Variants in MYCBP2 observed in about 807,000 individuals in gnomAD.
MYCBP2 encodes the protein E3 ubiquitin-protein ligase MYCBP2.
Under a neutral mutation model 525.3 loss-of-function variants are expected in MYCBP2, and 120 were observed. The observed-to-expected ratio is 0.23, with a 90% CI of 0.20 to 0.27. The LOEUF is 0.27. Among genes scored for constraint, MYCBP2 ranks in the 10% least tolerant of loss-of-function variants. The pLI is 1.00. For missense variants in MYCBP2, 4,149 were observed against 5,657.1 expected (o/e 0.73, Z 8.55); for synonymous variants, 1,894 against 1,955.8 (o/e 0.97, Z 0.83).
chr13:77,325,222 G>A (rs1353589749), intron 1 of MYCBP2, among the ~76,000 whole-genome samples: 1 of 152,158 alleles, frequency 6.6e-6, no homozygotes, highest in African/African-American at 2.4e-5. Context: ...TTACAGCCTC[G>A]TCCCTTTCAT....
chr13:77,183,942 T>C (rs964275897), intron 32 of MYCBP2, among the ~76,000 whole-genome samples: 6 of 152,174 alleles, frequency 3.9e-5, no homozygotes, highest in South Asian at 2.1e-4. Flanking sequence ...ACTTTTTTTC[T>C]TCAAAAAACC....
chr13:77,225,636 G>C, intron 18 of MYCBP2, 82 bp from the exon 19 acceptor site: 1 of 1,517,084 alleles, frequency 6.6e-7, no homozygotes, highest in Non-Finnish European at 9.0e-7. Context: ...TATTATGGAA[G>C]AACAAGAGAA....
At chr13:77,127,698 T>C (rs754586596) in intron 52 of MYCBP2, among the ~76,000 whole-genome samples, 1 of 151,852 alleles carries the variant, frequency 6.6e-6, no homozygotes, top group African/African-American at 2.4e-5. Context: ...ACCAGTAGCC[T>C]CATAATGAAG....
At chr13:77,063,637 G>T (rs990787616) in intron 73 of MYCBP2, among the ~76,000 whole-genome samples, 3 of 150,892 alleles carry the variant, frequency 2.0e-5, no homozygotes, top group African/African-American at 7.3e-5. Flanking sequence ...GTAAGCTTCA[G>T]TTTTATATAG....
rs762443591 is a variant in MYCBP2 at position 77,260,452 on chromosome 13, C to G, written c.1993G>C (p.Asp665His). Reference sequence around the variant, plus strand: ...CTTGAACTATCAGAGTAAATGGCATCTTTTCCAAACATGTAGAGTTCTCCA... The same window carrying G: ...CTTGAACTATCAGAGTAAATGGCATGTTTTCCAAACATGTAGAGTTCTCCA... ...KDGELYMFGK[D>H]AIYSDSSSLV... is the part of the protein sequence containing the mutation. The change falls in exon 13 of 83, where the codon GAT becomes CAT. Residue 665 changes from aspartate to histidine, a missense_variant. This residue lies in a region of MYCBP2 where 262 missense variants were observed against 419.3 expected (regional missense o/e 0.62). Transcript: ENST00000544440. The G allele has an allele frequency of 6.3e-7, 1 of 1,596,036 alleles. No individual in the cohort carries two copies. The highest frequency in any genetic ancestry group is 1.2e-5 in the South Asian group (1 of 86,386).
At position 77,257,835 on chromosome 13, in the gene MYCBP2, G is replaced by T; in HGVS notation, c.2018-6C>A. On this transcript the variant is annotated splice_region_variant and splice_polypyrimidine_tract_variant and intron_variant, in intron 13 of 82. Transcript: ENST00000544440. The stretch of plus-strand genomic sequence containing the variant: ...CTTCAAATCAGTTACCAAACCTATA[G>T]GAAAGAAACAAATTTAGTAAAAACA... The T allele has an allele frequency of 6.3e-7, 1 of 1,595,700 alleles. No homozygotes were observed. The highest frequency in any genetic ancestry group is 8.5e-7 in the Non-Finnish European group (1 of 1,174,924).
At chr13:77,132,907 T>G (rs2053140759) in intron 52 of MYCBP2, among the ~76,000 whole-genome samples, 1 of 152,168 alleles carries the variant, frequency 6.6e-6, no homozygotes, top group Non-Finnish European at 1.5e-5. Context: ...AGATTCCACA[T>G]CTTCAGAATT....
intron 66 of MYCBP2, 157 bp from the exon 67 acceptor site, chr13:77,077,544 G>A: frequency 1.2e-6 from 1 of 800,612 alleles, no homozygotes; most frequent in South Asian, 1.9e-5. Flanking sequence ...TTTCAACCAG[G>A]TGAAGATAAG....
chr13:77,113,301 C>T (rs1452537405), intron 55 of MYCBP2, among the ~76,000 whole-genome samples: 1 of 152,148 alleles, frequency 6.6e-6, no homozygotes, highest in Non-Finnish European at 1.5e-5. Context: ...GTTTCCATTG[C>T]ATCCTGTGAC....
chr13:77,243,514 G>A (rs1407058629), intron 16 of MYCBP2, among the ~76,000 whole-genome samples: 2 of 151,790 alleles, frequency 1.3e-5, no homozygotes, highest in African/African-American at 4.8e-5. Context: ...TCGGGAGGCC[G>A]AGATGGGACA....
rs181160152 is a variant in MYCBP2, at chr13:77,304,435, A to G, written c.303-7761T>C. On this transcript the variant is annotated intron_variant, in intron 1 of 82. Transcript: ENST00000544440. The stretch of plus-strand genomic sequence containing the variant: ...TGTGGAAGCTAAAAAAGTTGATCTC[A>G]TAAAAGTAGAAAGTAGAAGAGTTGT... Among the ~76,000 whole-genome samples the G allele has an allele frequency of 1.0e-3, 156 of 152,346 alleles. 1 individual carries two copies. The highest frequency in any genetic ancestry group is 3.4e-3 in the Middle Eastern group (1 of 294).
At chr13:77,232,381 T>A (rs140774945) in intron 18 of MYCBP2, among the ~76,000 whole-genome samples, 1 of 152,172 alleles carries the variant, frequency 6.6e-6, no homozygotes, top group Non-Finnish European at 1.5e-5. Flanking sequence ...AAGGCCAGGA[T>A]ACAAGGCAAA....
chr13:77,172,625 C>G (rs2059256115), intron 37 of MYCBP2, among the ~76,000 whole-genome samples: 1 of 152,082 alleles, frequency 6.6e-6, no homozygotes, highest in South Asian at 2.1e-4. Context: ...GAAAAGGTCA[C>G]ATTTAGGACA....
At chr13:77,289,559 T>C (rs2077256490) in intron 2 of MYCBP2, among the ~76,000 whole-genome samples, 2 of 152,066 alleles carry the variant, frequency 1.3e-5, no homozygotes, top group South Asian at 2.1e-4. Flanking sequence ...TTTTCTCAAC[T>C]TGATAAAGGG....
chr13:77,235,667 A>T (rs1348509529), intron 17 of MYCBP2, among the ~76,000 whole-genome samples: 1 of 152,160 alleles, frequency 6.6e-6, no homozygotes, highest in Non-Finnish European at 1.5e-5. Flanking sequence ...CCCTTGATAA[A>T]CAAGATACAA....
intron 62 of MYCBP2, among the ~76,000 whole-genome samples, chr13:77,084,496 T>G (rs967799680): frequency 2.6e-5 from 4 of 152,194 alleles, no homozygotes; most frequent in Non-Finnish European, 4.4e-5. Flanking sequence ...TACAGGGAGA[T>G]AGCAGGCCAT....
At chr13:77,114,605 A>T (rs1177749977) in intron 55 of MYCBP2, among the ~76,000 whole-genome samples, 1 of 152,102 alleles carries the variant, frequency 6.6e-6, no homozygotes, top group Non-Finnish European at 1.5e-5. Flanking sequence ...CCACATAAGA[A>T]TGTGACTTAT....
chr13:77,194,286 T>C (rs2061550295), intron 26 of MYCBP2, 42 bp from the exon 27 acceptor site: 1 of 1,379,312 alleles, frequency 7.2e-7, no homozygotes, highest in Admixed American at 1.7e-5. Context: ...AAATCAGCTA[T>C]ACATATCTGA....
intron 2 of MYCBP2, among the ~76,000 whole-genome samples, chr13:77,289,027 T>C (rs2077191859): frequency 6.6e-6 from 1 of 152,080 alleles, no homozygotes; most frequent in Non-Finnish European, 1.5e-5. Context: ...CAACTACAAT[T>C]TCAAGATCAA....
Sources: gnomAD v4.1 joint callset for allele counts (sites outside exome capture counted in the v4.1 genomes callset) on GRCh38, gnomAD v4.1.1 for gene constraint, gnomAD v4.1.1 regional missense constraint, MANE v1.5 for transcripts, NCBI Gene and HGNC (gene_info 2026-07-23, HGNC 2026-07-21) for gene names.